IL1RAPL2: variants seen among roughly 807,000 people sequenced by gnomAD.
IL1RAPL2 encodes interleukin 1 receptor accessory protein like 2.
IL1RAPL2 carries 3 observed loss-of-function variants against 44.1 expected under a neutral mutation model. That is an observed-to-expected ratio of 0.07 (90% CI 0.03 to 0.18). IL1RAPL2 has a LOEUF of 0.18. IL1RAPL2 is among the 10% of genes least tolerant of loss of function. The pLI is 1.00. For missense variants in IL1RAPL2, 391 were observed against 496.4 expected, an observed-to-expected ratio of 0.79 and a Z score of 2.02; for synonymous variants, 181 against 178.8, an observed-to-expected ratio of 1.01 and a Z score of -0.10.
At chrX:105,043,474 T>G (rs1220101574) in intron 2 of IL1RAPL2, among the ~76,000 whole-genome samples, 1 of 109,684 alleles carries the variant, frequency 9.1e-6, no homozygotes, top group African/African-American at 3.3e-5. Context: ...TCCCAATCCC[T>G]TCTTCTATTC....
chrX:105,670,117 AT>A (rs2037806598), intron 6 of IL1RAPL2, among the ~76,000 whole-genome samples: 1 of 37,427 alleles, frequency 2.7e-5, no homozygotes, highest in African/African-American at 1.3e-4. Context: ...ATATATATAT[AT>A]ATATATATAT....
At chrX:105,693,759 G>A (rs1356658342) in intron 6 of IL1RAPL2, among the ~76,000 whole-genome samples, 1 of 111,462 alleles carries the variant, frequency 9.0e-6, no homozygotes, top group African/African-American at 3.3e-5. Flanking sequence ...AAAAGGAGAT[G>A]GGATGACAGA....
At chrX:105,355,279 G>C (rs897415774) in intron 5 of IL1RAPL2, among the ~76,000 whole-genome samples, 6 of 111,261 alleles carry the variant, frequency 5.4e-5, no homozygotes, top group African/African-American at 2.0e-4. Context: ...TTTTTAATTT[G>C]CGTCCTTTGC....
At chrX:104,768,250 CCTAT>C (rs1394485285) in intron 2 of IL1RAPL2, among the ~76,000 whole-genome samples, 3 of 111,311 alleles carry the variant, frequency 2.7e-5, no homozygotes, top group African/African-American at 9.8e-5. Flanking sequence ...ATGCTTTCCT[CCTAT>C]CTAATTGAGA....
intron 6 of IL1RAPL2, among the ~76,000 whole-genome samples, chrX:105,523,576 T>C (rs1014107545): frequency 1.8e-5 from 2 of 111,478 alleles, no homozygotes; most frequent in African/African-American, 6.5e-5. Context: ...AATTGTTTCA[T>C]CCATCCCATT....
intron 7 of IL1RAPL2, among the ~76,000 whole-genome samples, chrX:105,726,325 G>A (rs771273035): frequency 8.9e-6 from 1 of 111,802 alleles, no homozygotes; most frequent in East Asian, 2.8e-4. Context: ...AGGAAGAGCT[G>A]CTGCCCTTTA....
chrX:105,032,384 A>G lies in IL1RAPL2; in HGVS notation c.83-163091A>G, dbSNP rs763272147. Among the ~76,000 whole-genome samples the G allele has an allele frequency of 9.3e-5, 10 of 107,703 alleles. No individual in the cohort carries two copies. The South Asian group carries it at 4.0e-3, about 43-fold the overall frequency. 93.5% of individuals were successfully genotyped at this position (107,703 alleles called of 115,157 possible). ...CATTTAGTGCTATAAATTTCCCTCTACACACTGCTTTGAATGTGTCCCAGA... is the reference window on the plus strand; with the variant it reads ...CATTTAGTGCTATAAATTTCCCTCTGCACACTGCTTTGAATGTGTCCCAGA... On this transcript the variant is annotated intron_variant, in intron 2 of 10. Coordinates refer to ENST00000372582, the MANE Select transcript of IL1RAPL2 (RefSeq NM_017416.2).
chrX:104,987,564 T>A (rs1251735846), intron 2 of IL1RAPL2, among the ~76,000 whole-genome samples: 1 of 110,951 alleles, frequency 9.0e-6, no homozygotes, highest in African/African-American at 3.3e-5. Flanking sequence ...TCTCGCTTTG[T>A]GTCCTTTAGC....
At chrX:105,620,621 C>T (rs1214994746) in intron 6 of IL1RAPL2, among the ~76,000 whole-genome samples, 1 of 109,671 alleles carries the variant, frequency 9.1e-6, no homozygotes, top group Non-Finnish European at 1.9e-5. Context: ...TTGTCTGAAT[C>T]AAGAACTTTC....
At chrX:105,237,164 A>G (rs1369578518) in intron 4 of IL1RAPL2, among the ~76,000 whole-genome samples, 1 of 112,104 alleles carries the variant, frequency 8.9e-6, no homozygotes, top group Admixed American at 9.5e-5. Context: ...TGTCCCTACA[A>G]AAGACATGAA....
chrX:105,115,042 G>A (rs1285875815), intron 2 of IL1RAPL2, among the ~76,000 whole-genome samples: 2 of 111,841 alleles, frequency 1.8e-5, no homozygotes, highest in African/African-American at 6.5e-5. Context: ...GGAATTTGTG[G>A]GTTCTTGGTC....
chrX:105,023,333 A>G (rs1329576425), intron 2 of IL1RAPL2, among the ~76,000 whole-genome samples: 1 of 111,418 alleles, frequency 9.0e-6, no homozygotes, highest in Non-Finnish European at 1.9e-5. Context: ...AGGTCTTATC[A>G]GATGTCTTCC....
chrX:105,687,599 A>G (rs895739504), intron 6 of IL1RAPL2, among the ~76,000 whole-genome samples: 6 of 111,529 alleles, frequency 5.4e-5, no homozygotes, highest in Non-Finnish European at 7.5e-5. Context: ...ACCAACCAAA[A>G]AAAGTCCAGG....
intron 2 of IL1RAPL2, among the ~76,000 whole-genome samples, chrX:105,112,488 C>A (rs1182083871): frequency 8.9e-6 from 1 of 112,302 alleles, no homozygotes; most frequent in Non-Finnish European, 1.9e-5. Context: ...ATAATCAAAA[C>A]TGTGGTACTG....
chrX:105,144,095 GT>G lies in IL1RAPL2; in HGVS notation c.83-51379del, dbSNP rs1490790408. 8.6e-4 allele frequency among the ~76,000 whole-genome samples: 13 copies of G among 15,128 alleles called. No individual in the cohort carries two copies. The East Asian group carries it at 0.03, about 35-fold the overall frequency. 13.1% of individuals were successfully genotyped at this position (15,128 alleles called of 115,157 possible). A position where few individuals can be genotyped will look rare whatever the true frequency, so the allele number is the denominator to read the frequency against. ...GTCAGAGTCTCCTTTCAACAGATGGGTGTGTGTGTGTGTGTGTGTGTGTGTG... is the reference window on the plus strand; with the variant it reads ...GTCAGAGTCTCCTTTCAACAGATGGGGTGTGTGTGTGTGTGTGTGTGTGTG... On this transcript the variant is annotated intron_variant, in intron 2 of 10. Coordinates refer to ENST00000372582, the MANE Select transcript of IL1RAPL2 (RefSeq NM_017416.2).
chrX:104,781,021 G>A (rs1303012763), intron 2 of IL1RAPL2, among the ~76,000 whole-genome samples: 3 of 110,323 alleles, frequency 2.7e-5, no homozygotes, highest in African/African-American at 9.9e-5. Context: ...TCCCAAAAAT[G>A]GTATAGTAGG....
intron 2 of IL1RAPL2, among the ~76,000 whole-genome samples, chrX:105,171,377 G>C (rs1355256450): frequency 9.0e-6 from 1 of 110,813 alleles, no homozygotes; most frequent in Non-Finnish European, 1.9e-5. Context: ...GGGATAGAGA[G>C]AATAGGACTG....
intron 4 of IL1RAPL2, 88 bp from the exon 5 acceptor site, chrX:105,267,300 C>CA (rs1386948300): frequency 5.9e-6 from 5 of 849,303 alleles, no homozygotes; most frequent in Non-Finnish European, 8.4e-6. Flanking sequence ...GAGAATAATA[C>CA]AAAAAAGTAA....
At chrX:104,796,720 G>C (rs1932851366) in intron 2 of IL1RAPL2, among the ~76,000 whole-genome samples, 1 of 112,224 alleles carries the variant, frequency 8.9e-6, no homozygotes. Flanking sequence ...GGTAAAGCCA[G>C]GAATGCAAAA....
Sources: gnomAD v4.1 joint callset for allele counts (sites outside exome capture counted in the v4.1 genomes callset) on GRCh38, gnomAD v4.1.1 for gene constraint, MANE v1.5 for transcripts, NCBI Gene and HGNC (gene_info 2026-07-23, HGNC 2026-07-21) for gene names.